DOCK3: variants seen among roughly 807,000 people sequenced by gnomAD.
DOCK3 encodes the protein dedicator of cytokinesis 3, also known as dedicator of cytokinesis protein 3.
DOCK3 carries 60 observed loss-of-function variants against 265.6 expected under a neutral mutation model. That is an observed-to-expected ratio of 0.23 (90% CI 0.18 to 0.28). The LOEUF (loss-of-function observed/expected upper bound fraction) is 0.28, where lower values mean the gene tolerates loss of function less well. Ranked by LOEUF, DOCK3 falls within the 10% of genes least tolerant of loss-of-function variation. The probability of loss-of-function intolerance (pLI) is 1.00; values close to 1 mark genes in which losing one functional copy is unlikely to be tolerated. For synonymous variants in DOCK3, 881 were observed against 938.0 expected, an observed-to-expected ratio of 0.94 and a Z score of 1.11; for missense variants, 1,981 against 2,594.3, an observed-to-expected ratio of 0.76 and a Z score of 5.14.
At chr3:50,862,778 G>A (rs1485162189) in intron 3 of DOCK3, among the ~76,000 whole-genome samples, 1 of 152,162 alleles carries the variant, frequency 6.6e-6, no homozygotes, top group Non-Finnish European at 1.5e-5. Context: ...TTATTGCCAG[G>A]ACACTGCCAT....
Position 51,228,053 on chromosome 3 carries a change from C to A in DOCK3, c.1612C>A (p.Leu538Ile). The A allele has an allele frequency of 1.2e-6, 2 of 1,614,036 alleles. No individual in the cohort carries two copies. The highest frequency in any genetic ancestry group is 1.7e-6 in the Non-Finnish European group (2 of 1,179,894). ...STLMRDDGTT[L>I]SDDIHELYVY... ...CCTGATGCGTGATGATGGCACCACC[C>A]TCTCAGATGATATTCACGAGCTTTA... Residue 538 changes from leucine (L) to isoleucine (I), a missense_variant, in exon 17 of 53, where the codon CTC (leucine) becomes ATC (isoleucine). Physicochemically the swap from Leu to Ile is conservative, Grantham distance 5. Coordinates refer to ENST00000266037, the MANE Select transcript of DOCK3 (RefSeq NM_004947.5).
chr3:50,803,140 C>T (rs1186168689), intron 2 of DOCK3, among the ~76,000 whole-genome samples: 9 of 150,848 alleles, frequency 6.0e-5, no homozygotes, highest in East Asian at 1.9e-4. Flanking sequence ...TTGGCAGGGT[C>T]GTAGGACAAT....
chr3:51,324,258 AC>A (rs1173250813), intron 32 of DOCK3, among the ~76,000 whole-genome samples: 1 of 152,258 alleles, frequency 6.6e-6, no homozygotes, highest in Non-Finnish European at 1.5e-5. Flanking sequence ...TGCAAAAATC[AC>A]AAGCATTCCT....
At chr3:51,299,367 A>G (rs1316693765) in intron 27 of DOCK3, among the ~76,000 whole-genome samples, 1 of 151,856 alleles carries the variant, frequency 6.6e-6, no homozygotes. Flanking sequence ...TCTATAGATT[A>G]TCTGTTTACT....
At chr3:51,024,546 C>T (rs989494689) in intron 5 of DOCK3, among the ~76,000 whole-genome samples, 3 of 152,152 alleles carry the variant, frequency 2.0e-5, no homozygotes, top group Admixed American at 6.5e-5. Flanking sequence ...CCTCAGCTTC[C>T]CTGCTAGGCC....
At chr3:50,945,631 C>T (rs1025900182) in intron 5 of DOCK3, among the ~76,000 whole-genome samples, 2 of 152,084 alleles carry the variant, frequency 1.3e-5, no homozygotes, top group Non-Finnish European at 2.9e-5. Context: ...TGGCATAGCA[C>T]GTTGAGACCC....
chr3:50,761,584 T>C (rs1191229655), intron 1 of DOCK3, among the ~76,000 whole-genome samples: 1 of 152,156 alleles, frequency 6.6e-6, no homozygotes, highest in Non-Finnish European at 1.5e-5. Context: ...GCTGGCCAGG[T>C]CCTCAGCAGC....
chr3:50,851,570 G>C (rs2046360793), intron 3 of DOCK3, among the ~76,000 whole-genome samples: 1 of 152,154 alleles, frequency 6.6e-6, no homozygotes, highest in Non-Finnish European at 1.5e-5. Context: ...CCTGAGAGTG[G>C]AATGGAGAGG....
At chr3:50,903,241 C>T (rs1575488951) in intron 4 of DOCK3, among the ~76,000 whole-genome samples, 2 of 152,214 alleles carry the variant, frequency 1.3e-5, no homozygotes, top group East Asian at 3.9e-4. Context: ...CTCTTCTTGT[C>T]CTAGTTTTCA....
chr3:50,863,794 T>G (rs746715905), intron 3 of DOCK3, among the ~76,000 whole-genome samples: 4 of 152,228 alleles, frequency 2.6e-5, no homozygotes, highest in African/African-American at 4.8e-5. Flanking sequence ...CAGGATTTTA[T>G]TTGTTTTTAT....
At chr3:50,737,750 T>C (rs1418455064) in intron 1 of DOCK3, among the ~76,000 whole-genome samples, 1 of 152,238 alleles carries the variant, frequency 6.6e-6, no homozygotes, top group Non-Finnish European at 1.5e-5. Flanking sequence ...AGAATTTGTT[T>C]GGTTCTTTTT....
At chr3:51,154,836 C>T (rs927895866) in intron 10 of DOCK3, among the ~76,000 whole-genome samples, 1 of 152,118 alleles carries the variant, frequency 6.6e-6, no homozygotes, top group Non-Finnish European at 1.5e-5. Flanking sequence ...AGCCCAGAGG[C>T]CAAAGCTATA....
Position 50,907,782 on chromosome 3 carries a change from G to A in DOCK3, c.218+17701G>A, listed in dbSNP as rs549856167. ...AGTGAATATTGTTATGTGTGAATTT[G>A]ATCCTGTCATTATGATGTTAGCTGG... is the stretch of plus-strand genomic sequence containing the variant. On this transcript the variant is annotated intron_variant, in intron 4 of 52. Coordinates refer to ENST00000266037, the MANE Select transcript of DOCK3 (RefSeq NM_004947.5). Among the ~76,000 whole-genome samples the A allele has an allele frequency of 7.4e-4, 112 of 152,164 alleles. 2 individuals carry two copies. Among genetic ancestry groups the A allele is most frequent in the African/African-American group, 2.7e-3 (110 of 41,486 alleles).
chr3:51,089,115 A>C, intron 7 of DOCK3, 128 bp from the exon 8 acceptor site: 1 of 988,504 alleles, frequency 1.0e-6, no homozygotes, highest in Non-Finnish European at 1.5e-6. Flanking sequence ...CTTATTTTAC[A>C]AAGTTATCAG....
chr3:51,134,690 T>A (rs73833989), intron 9 of DOCK3, among the ~76,000 whole-genome samples: 3,738 of 152,280 alleles, frequency 0.025, 178 homozygotes, highest in African/African-American at 0.086. Context: ...ACACAGACAC[T>A]CTTCATCTCT....
chr3:50,888,345 T>G (rs1345329025), intron 3 of DOCK3, among the ~76,000 whole-genome samples: 1 of 152,038 alleles, frequency 6.6e-6, no homozygotes, highest in African/African-American at 2.4e-5. Flanking sequence ...AAACCACTGC[T>G]CAAGGAAATA....
chr3:51,106,749 TG>T (rs2083296200), intron 9 of DOCK3, among the ~76,000 whole-genome samples: 1 of 152,180 alleles, frequency 6.6e-6, no homozygotes, highest in African/African-American at 2.4e-5. Flanking sequence ...ACCACCATTG[TG>T]CAAATGTGAG....
At chr3:50,728,744 A>C (rs1008960917) in intron 1 of DOCK3, among the ~76,000 whole-genome samples, 2 of 150,470 alleles carry the variant, frequency 1.3e-5, no homozygotes, top group African/African-American at 4.9e-5. Flanking sequence ...TTTTTTTGAA[A>C]TGGATTCTTG....
At chr3:50,857,769 C>T (rs2046675448) in intron 3 of DOCK3, among the ~76,000 whole-genome samples, 1 of 152,138 alleles carries the variant, frequency 6.6e-6, no homozygotes, top group African/African-American at 2.4e-5. Context: ...ATTAAAAAGT[C>T]AGGAAACAAC....
Sources: allele counts gnomAD v4.1 joint callset (sites outside exome capture counted in the v4.1 genomes callset), GRCh38; gene constraint gnomAD v4.1.1; transcripts MANE v1.5; gene names NCBI Gene and HGNC (gene_info 2026-07-23, HGNC 2026-07-21).